The following RTN4IP1 variants were observed in gnomAD, a reference collection of about 807,000 sequenced individuals.
The protein encoded by RTN4IP1 is reticulon 4 interacting protein 1.
A neutral mutation model predicts 46.6 loss-of-function variants in RTN4IP1; 32 were observed. That is an observed-to-expected ratio of 0.69 (90% CI 0.52 to 0.92). The LOEUF is 0.92. RTN4IP1 is among the 40% of genes least tolerant of loss of function. RTN4IP1 has a pLI of 0.00. For missense variants in RTN4IP1, 424 were observed against 485.8 expected (o/e 0.87, Z 1.20); for synonymous variants, 167 against 161.8 (o/e 1.03, Z -0.24).
At chr6:106,582,374 TGA>T (rs1381467473) in intron 8 of RTN4IP1, among the ~76,000 whole-genome samples, 1 of 152,158 alleles carries the variant, frequency 6.6e-6, no homozygotes, top group African/African-American at 2.4e-5. Context: ...CACTGCAAAG[TGA>T]CAAAGATAAG....
At chr6:106,629,528 T>C (rs892733163), upstream of RTN4IP1, 1 of 993,146 alleles carries the variant, frequency 1.0e-6, no homozygotes, top group East Asian at 2.8e-5. Context: ...CAAAGATCAT[T>C]TCCTCGGGCT....
At chr6:106,603,104 G>A (rs1348246589) in intron 4 of RTN4IP1, among the ~76,000 whole-genome samples, 182 bp from the exon 5 acceptor site, 1 of 152,160 alleles carries the variant, frequency 6.6e-6, no homozygotes, top group Non-Finnish European at 1.5e-5. Flanking sequence ...AGAAACTGCA[G>A]TTGCTTAAAA....
chr6:106,574,170 T>C (rs4946765), intron 8 of RTN4IP1, among the ~76,000 whole-genome samples: 150,333 of 152,272 alleles, frequency 0.99, 74,230 homozygotes, highest in East Asian at 1. Flanking sequence ...CTCGGCCCAG[T>C]GCAGTGGCTC....
At chr6:106,585,356 A>G (rs1775459139) in intron 7 of RTN4IP1, among the ~76,000 whole-genome samples, 1 of 152,250 alleles carries the variant, frequency 6.6e-6, no homozygotes, top group Non-Finnish European at 1.5e-5. Flanking sequence ...ATGTGGCTAA[A>G]TGCCAGAAGC....
In RTN4IP1 at chr6:106,570,945, G is replaced by T. The variant is rs2114610835; in HGVS notation, c.*1051C>A. 1 of 152,238 alleles carries T rather than the reference G, an allele frequency of 6.6e-6. No homozygotes were observed. Among genetic ancestry groups the T allele is most frequent in the East Asian group, 1.9e-4 (1 of 5,172 alleles). 9.4% of individuals were successfully genotyped at this position (152,238 alleles called of 1,614,324 possible). A position where few individuals can be genotyped will look rare whatever the true frequency, so the allele number is the denominator to read the frequency against. Reference sequence around the variant, plus strand: ...TGCAATACTGAGGATGAGTATATTAGGAAGTAAAAACACTTACCGTAAATG... The same window carrying T: ...TGCAATACTGAGGATGAGTATATTATGAAGTAAAAACACTTACCGTAAATG... On this transcript the variant is annotated 3_prime_UTR_variant, in exon 9 of 9. Transcript: ENST00000369063.
intron 8 of RTN4IP1, among the ~76,000 whole-genome samples, chr6:106,581,962 TC>T (rs1439313054): frequency 1.3e-5 from 2 of 152,232 alleles, no homozygotes; most frequent in Admixed American, 6.5e-5. Context: ...ATTCTCTTCT[TC>T]CTAGAAATAA....
chr6:106,601,986 G>C (rs1436653591), intron 5 of RTN4IP1, among the ~76,000 whole-genome samples: 1 of 152,106 alleles, frequency 6.6e-6, no homozygotes, highest in African/African-American at 2.4e-5. Context: ...TGGATATCTA[G>C]TTGTTCCAGC....
intron 2 of RTN4IP1, 120 bp from the exon 3 acceptor site, chr6:106,621,613 A>G: frequency 1.4e-6 from 1 of 725,404 alleles, no homozygotes; most frequent in Non-Finnish European, 2.4e-6. Context: ...AGTCAGCACT[A>G]CACCAAGCAG....
intron 4 of RTN4IP1, among the ~76,000 whole-genome samples, chr6:106,614,522 A>T (rs932933709): frequency 5.3e-5 from 8 of 152,216 alleles, no homozygotes; most frequent in Non-Finnish European, 7.3e-5. Context: ...GGGAAACAAA[A>T]AGGAAGAATA....
intron 5 of RTN4IP1, among the ~76,000 whole-genome samples, chr6:106,594,809 G>T (rs1376836356): frequency 1.3e-5 from 2 of 151,664 alleles, no homozygotes; most frequent in African/African-American, 4.8e-5. Flanking sequence ...GGGTTGTTTT[G>T]GTTTTTTATT....
chr6:106,611,801 A>T (rs1466186913), intron 4 of RTN4IP1, among the ~76,000 whole-genome samples: 2 of 152,224 alleles, frequency 1.3e-5, no homozygotes, highest in Non-Finnish European at 2.9e-5. Context: ...AATTTACAGA[A>T]GAGTTTGTGT....
chr6:106,623,440 G>A (rs990359077), intron 1 of RTN4IP1, among the ~76,000 whole-genome samples: 2 of 152,140 alleles, frequency 1.3e-5, no homozygotes, highest in Non-Finnish European at 2.9e-5. Flanking sequence ...GTGGGTATGA[G>A]ACTTAATACT....
intron 4 of RTN4IP1, among the ~76,000 whole-genome samples, chr6:106,618,780 G>T (rs1404355460): frequency 6.6e-6 from 1 of 152,140 alleles, no homozygotes. Flanking sequence ...ATGCAAGTGT[G>T]AGAATAACTC....
chr6:106,585,308 T>C (rs892665742), intron 7 of RTN4IP1, among the ~76,000 whole-genome samples: 2 of 152,172 alleles, frequency 1.3e-5, no homozygotes, highest in Admixed American at 6.5e-5. Flanking sequence ...ACTCTGTCTC[T>C]ACAAAACAAG....
In RTN4IP1 at chr6:106,629,353, G is replaced by T; in HGVS notation, c.-332C>A. The T allele has an allele frequency of 1.8e-6, 1 of 554,564 alleles. No homozygotes were observed. Among genetic ancestry groups the T allele is most frequent in the South Asian group, 2.3e-5 (1 of 43,906 alleles). 34.4% of individuals were successfully genotyped at this position (554,564 alleles called of 1,614,324 possible). ...AGGTGCGCAAACCCCCTAGATCCCT[G>T]CCCTGTCCTGGGAGCCCTCGGCGGG... is the stretch of plus-strand genomic sequence containing the variant. On this transcript the variant is annotated 5_prime_UTR_variant, in exon 1 of 9. Coordinates refer to ENST00000369063, the MANE Select transcript of RTN4IP1 (RefSeq NM_032730.5).
At chr6:106,628,142 C>T (rs532767702) in intron 1 of RTN4IP1, among the ~76,000 whole-genome samples, 3 of 151,826 alleles carry the variant, frequency 2.0e-5, no homozygotes, top group South Asian at 4.2e-4. Flanking sequence ...TGACGGATCT[C>T]AGAATACCAC....
At chr6:106,572,971 G>A (rs540365375) in intron 8 of RTN4IP1, among the ~76,000 whole-genome samples, 3 of 152,252 alleles carry the variant, frequency 2.0e-5, no homozygotes, top group African/African-American at 7.2e-5. Context: ...TGGGAAAAAC[G>A]CACCTCATGT....
At position 106,583,785 on chromosome 6, in the gene RTN4IP1, T is replaced by G. The variant is rs556727085; in HGVS notation, c.991-365A>C. ...GACCTCTAGGCTTTCCCTACTAAGG[T>G]TTGAATAAAGCCCAGAGGCACTAGA... On this transcript the variant is annotated intron_variant, in intron 7 of 8. Transcript: ENST00000369063. Among the ~76,000 whole-genome samples, 23 of 152,290 alleles carry G rather than the reference T, an allele frequency of 1.5e-4. No homozygotes were observed. In the East Asian group the frequency reaches 4.4e-3, roughly 29 times the overall value.
intron 4 of RTN4IP1, among the ~76,000 whole-genome samples, chr6:106,609,587 T>C (rs1048954532): frequency 2.0e-5 from 3 of 152,140 alleles, no homozygotes; most frequent in African/African-American, 7.2e-5. Context: ...CAACTGCTAC[T>C]ACCTCAAGTG....
Sources: allele counts gnomAD v4.1 joint callset (sites outside exome capture counted in the v4.1 genomes callset), GRCh38; gene constraint gnomAD v4.1.1; transcripts MANE v1.5; gene names NCBI Gene and HGNC (gene_info 2026-07-23, HGNC 2026-07-21).